Variants in GUCY1A2 observed in about 807,000 individuals in gnomAD.
GUCY1A2 encodes guanylate cyclase 1 soluble subunit alpha 2, also known as guanylate cyclase soluble subunit alpha-2.
GUCY1A2 carries 27 observed loss-of-function variants against 63.5 expected under a neutral mutation model. The ratio of observed to expected loss-of-function variants is 0.43; its 90% CI spans 0.31 to 0.59. The LOEUF (loss-of-function observed/expected upper bound fraction) is 0.59, where lower values mean the gene tolerates loss of function less well. GUCY1A2 is among the 20% of genes least tolerant of loss of function. The pLI, the probability that GUCY1A2 is intolerant of heterozygous loss-of-function variation, is 0.11. For missense variants in GUCY1A2, 768 were observed against 913.3 expected, an observed-to-expected ratio of 0.84 and a Z score of 2.05; for synonymous variants, 364 against 343.5, an observed-to-expected ratio of 1.06 and a Z score of -0.66.
chr11:106,996,294 G>A (rs953637607), intron 1 of GUCY1A2, among the ~76,000 whole-genome samples: 2 of 152,120 alleles, frequency 1.3e-5, no homozygotes, highest in Non-Finnish European at 2.9e-5. Flanking sequence ...ATCTAATACT[G>A]TTTAGGAGCA....
At chr11:106,753,541 A>G (rs1400355845) in intron 6 of GUCY1A2, among the ~76,000 whole-genome samples, 1 of 152,174 alleles carries the variant, frequency 6.6e-6, no homozygotes, top group African/African-American at 2.4e-5. Context: ...TAATTTTTGT[A>G]TAAGGTGTAA....
chr11:106,877,449 G>A (rs1479595569), intron 4 of GUCY1A2, among the ~76,000 whole-genome samples: 1 of 152,058 alleles, frequency 6.6e-6, no homozygotes, highest in Non-Finnish European at 1.5e-5. Flanking sequence ...AAACAGACAC[G>A]TAGACCAACG....
At chr11:106,706,681 T>C (rs1862919519) in intron 7 of GUCY1A2, among the ~76,000 whole-genome samples, 2 of 149,844 alleles carry the variant, frequency 1.3e-5, no homozygotes, top group African/African-American at 4.9e-5. Flanking sequence ...TTAAGTGAAG[T>C]TGTCACAGAA....
intron 4 of GUCY1A2, among the ~76,000 whole-genome samples, chr11:106,834,677 A>G (rs558451131): frequency 6.6e-6 from 1 of 152,178 alleles, no homozygotes; most frequent in Admixed American, 6.6e-5. Flanking sequence ...GGCTTAAAAT[A>G]GGTGAGGAAA....
intron 1 of GUCY1A2, among the ~76,000 whole-genome samples, chr11:107,015,186 G>C (rs1357245465): frequency 6.6e-6 from 1 of 152,118 alleles, no homozygotes; most frequent in African/African-American, 2.4e-5. Context: ...TGTTGAAAAT[G>C]TTTACAGTAT....
intron 7 of GUCY1A2, among the ~76,000 whole-genome samples, chr11:106,698,039 T>C (rs1862749339): frequency 6.6e-6 from 1 of 151,938 alleles, no homozygotes; most frequent in Non-Finnish European, 1.5e-5. Flanking sequence ...CTCAAAAACA[T>C]TCAGTGGGTC....
chr11:106,825,376 T>C (rs186295207), intron 4 of GUCY1A2, among the ~76,000 whole-genome samples: 1,956 of 151,818 alleles, frequency 0.013, 22 homozygotes, highest in South Asian at 0.049. Flanking sequence ...TCTTTTGGCT[T>C]CCCTGAGCCA....
chr11:106,913,336 T>C (rs1860321945), intron 4 of GUCY1A2, among the ~76,000 whole-genome samples: 1 of 152,116 alleles, frequency 6.6e-6, no homozygotes, highest in South Asian at 2.1e-4. Context: ...GGTGAGAGCC[T>C]CAGGCTACTT....
At chr11:106,713,435 A>G (rs1237079462) in intron 6 of GUCY1A2, among the ~76,000 whole-genome samples, 2 of 151,970 alleles carry the variant, frequency 1.3e-5, no homozygotes, top group Non-Finnish European at 2.9e-5. Flanking sequence ...CTCTTAAACA[A>G]ACTAAGTGTA....
chr11:106,980,622 A>T (rs774006985), intron 2 of GUCY1A2, among the ~76,000 whole-genome samples: 1 of 152,210 alleles, frequency 6.6e-6, no homozygotes, highest in Non-Finnish European at 1.5e-5. Flanking sequence ...TAAAAATTTA[A>T]ATTGGTCTAG....
intron 6 of GUCY1A2, among the ~76,000 whole-genome samples, chr11:106,739,401 A>C (rs555869890): frequency 6.6e-6 from 1 of 152,334 alleles, no homozygotes; most frequent in African/African-American, 2.4e-5. Flanking sequence ...GATACATTTC[A>C]AAATTATTTA....
Position 106,849,375 on chromosome 11 carries a change from T to A in GUCY1A2, c.1207-38897A>T, listed in dbSNP as rs567101285. ...ATTATATATGTAATATATAAACATA[T>A]ATATTTAACTTTATACAAGCCTGCA... is the stretch of plus-strand genomic sequence containing the variant. On this transcript the variant is annotated intron_variant, in intron 4 of 7. Transcript: ENST00000526355. Among the ~76,000 whole-genome samples, 3 of 150,074 alleles carry A rather than the reference T, an allele frequency of 2.0e-5. No individual in the cohort carries two copies. In the East Asian group the frequency reaches 5.8e-4, roughly 29 times the overall value.
intron 6 of GUCY1A2, among the ~76,000 whole-genome samples, chr11:106,740,313 C>T (rs1863671726): frequency 6.6e-6 from 1 of 151,770 alleles, no homozygotes; most frequent in South Asian, 2.1e-4. Flanking sequence ...TGAGAGGAAC[C>T]TTTTTTTCTC....
chr11:106,792,994 T>C (rs2135413393), intron 5 of GUCY1A2, among the ~76,000 whole-genome samples: 1 of 152,222 alleles, frequency 6.6e-6, no homozygotes, highest in South Asian at 2.1e-4. Flanking sequence ...AATATTCCAA[T>C]GCAATCCCTA....
intron 1 of GUCY1A2, among the ~76,000 whole-genome samples, chr11:107,001,169 A>G (rs979604998): frequency 2.0e-5 from 3 of 152,214 alleles, no homozygotes; most frequent in Non-Finnish European, 4.4e-5. Context: ...CATTCCTGAA[A>G]TGTTTGAAAC....
At chr11:106,796,083 G>T (rs1226242744) in intron 5 of GUCY1A2, among the ~76,000 whole-genome samples, 1 of 151,994 alleles carries the variant, frequency 6.6e-6, no homozygotes, top group Admixed American at 6.6e-5. Flanking sequence ...TGTCTCTTTT[G>T]ATCTTTGTTG....
Position 106,978,664 on chromosome 11 carries a change from TTTC to T in GUCY1A2, c.439_441del (p.Glu147del), listed in dbSNP as rs758643130. The T allele has an allele frequency of 6.4e-7, 1 of 1,568,212 alleles. No individual in the cohort carries two copies. The highest frequency in any genetic ancestry group is 1.4e-5 in the African/African-American group (1 of 74,010). Reference sequence around the variant, plus strand: ...TGAAGAATTCCTGAGACATCTTCAATTTCTTCTTTGTTGGAGTGGTCTGCATAG... The same window carrying T: ...TGAAGAATTCCTGAGACATCTTCAATTTCTTTGTTGGAGTGGTCTGCATAG... On this transcript the variant is annotated inframe_deletion, in exon 3 of 8. Transcript: ENST00000526355.
chr11:106,799,412 G>C (rs1050927837), intron 5 of GUCY1A2, among the ~76,000 whole-genome samples: 4 of 152,066 alleles, frequency 2.6e-5, no homozygotes, highest in Non-Finnish European at 4.4e-5. Flanking sequence ...AGTTCATATG[G>C]AACCAAAAGA....
At chr11:106,774,675 TTCCACTCTC>T (rs1351400599) in intron 6 of GUCY1A2, among the ~76,000 whole-genome samples, 1 of 152,154 alleles carries the variant, frequency 6.6e-6, no homozygotes, top group Non-Finnish European at 1.5e-5. Flanking sequence ...TATTACATCT[TTCCACTCTC>T]TCCGCCCTGT....
Sources: gnomAD v4.1 joint callset for allele counts (sites outside exome capture counted in the v4.1 genomes callset) on GRCh38, gnomAD v4.1.1 for gene constraint, MANE v1.5 for transcripts, NCBI Gene and HGNC (gene_info 2026-07-23, HGNC 2026-07-21) for gene names.